Variants in EPCIP observed in about 807,000 individuals in gnomAD.
EPCIP encodes the protein exosomal polycystin-1-interacting protein.
the EPCIP span, chr21:32,797,123 C>T: frequency 2.5e-6 from 1 of 397,590 alleles, no homozygotes; most frequent in Non-Finnish European, 5.1e-6. Context: ...GCCCAAAGGC[C>T]AGAACAAAAA....
the EPCIP span, among the ~76,000 whole-genome samples, chr21:32,809,324 C>CTTTCTTTCTT: frequency 7.5e-6 from 1 of 133,618 alleles, no homozygotes; most frequent in African/African-American, 2.8e-5. Context: ...TTCTTTCTTT[C>CTTTCTTTCTT]TTTCTTTCTT....
At chr21:32,808,781 T>C in the EPCIP span, among the ~76,000 whole-genome samples, 13 of 152,244 alleles carry the variant, frequency 8.5e-5, no homozygotes, top group African/African-American at 3.1e-4. Context: ...CATACTCATG[T>C]AAGATGTTAA....
the EPCIP span, among the ~76,000 whole-genome samples, chr21:32,808,872 A>G: frequency 6.6e-6 from 1 of 152,194 alleles, no homozygotes; most frequent in South Asian, 2.1e-4. Flanking sequence ...TTATTTAAAA[A>G]GAGTGAATCC....
the EPCIP span, chr21:32,794,101 G>C: frequency 5.6e-6 from 9 of 1,614,086 alleles, no homozygotes; most frequent in East Asian, 4.5e-5. Context: ...TGTTGGTGCT[G>C]CACAGGGAAA....
the EPCIP span, among the ~76,000 whole-genome samples, chr21:32,803,915 C>G: frequency 1.3e-5 from 2 of 152,266 alleles, no homozygotes; most frequent in Middle Eastern, 6.8e-3. Context: ...GTGGTTTACA[C>G]AGTTCATTGT....
chr21:32,810,113 C>A, the EPCIP span, among the ~76,000 whole-genome samples: 6 of 152,130 alleles, frequency 3.9e-5, no homozygotes, highest in South Asian at 2.1e-4. Context: ...TGACTTCCCA[C>A]AAGCATCTGA....
chr21:32,801,063 A>G, the EPCIP span, among the ~76,000 whole-genome samples: 1 of 152,158 alleles, frequency 6.6e-6, no homozygotes, highest in African/African-American at 2.4e-5. Context: ...AGTTCTGGCC[A>G]ATGGAATATG....
chr21:32,810,558 G>T, the EPCIP span: 4 of 469,104 alleles, frequency 8.5e-6, no homozygotes, highest in East Asian at 7.0e-5. Context: ...ACCATGCCCG[G>T]CCCTGATCTT....
the EPCIP span, among the ~76,000 whole-genome samples, chr21:32,808,136 G>A: frequency 6.6e-6 from 1 of 152,228 alleles, no homozygotes; most frequent in Non-Finnish European, 1.5e-5. Flanking sequence ...GATTACAACA[G>A]CCCTTGCTGC....
At chr21:32,801,881 AGG>A in the EPCIP span, among the ~76,000 whole-genome samples, 6 of 152,116 alleles carry the variant, frequency 3.9e-5, no homozygotes, top group Non-Finnish European at 7.4e-5. Context: ...AGTGGTGGTA[AGG>A]GAGAAACGGA....
chr21:32,793,961 G>A, the EPCIP span: 1 of 1,614,158 alleles, frequency 6.2e-7, no homozygotes, highest in Admixed American at 1.7e-5. Flanking sequence ...TAACCACATG[G>A]GCTTCTCTCT....
At chr21:32,795,281 G>C in the EPCIP span, among the ~76,000 whole-genome samples, 2 of 152,046 alleles carry the variant, frequency 1.3e-5, no homozygotes, top group Admixed American at 1.3e-4. Flanking sequence ...CCATATATAA[G>C]AACTTCTAAA....
the EPCIP span, among the ~76,000 whole-genome samples, chr21:32,806,638 T>C: frequency 6.6e-6 from 1 of 152,168 alleles, no homozygotes; most frequent in Non-Finnish European, 1.5e-5. Context: ...CTGTTTGAGA[T>C]TAAATTGATT....
the EPCIP span, among the ~76,000 whole-genome samples, chr21:32,809,282 T>TTCTTTCTTTCTTTCTTTCTTTCTTTC: frequency 1.0e-3 from 91 of 87,800 alleles, 3 homozygotes; most frequent in Middle Eastern, 5.3e-3. Flanking sequence ...CCTCCTTCCT[T>TTCTTTCTTTCTTTCTTTCTTTCTTTC]TCTTTCTTTC....
At chr21:32,803,275 G>T in the EPCIP span, among the ~76,000 whole-genome samples, 17 of 152,324 alleles carry the variant, frequency 1.1e-4, 2 homozygotes, top group South Asian at 3.3e-3. Flanking sequence ...TTGTCCAAGG[G>T]TATTTGCACT....
the EPCIP span, chr21:32,796,844 GC>G: frequency 2.1e-5 from 8 of 375,858 alleles, no homozygotes; most frequent in South Asian, 1.1e-4. Flanking sequence ...AATACTGTTG[GC>G]CCACCCTGAC....
the EPCIP span, chr21:32,813,487 C>T: frequency 1.4e-5 from 6 of 429,276 alleles, no homozygotes; most frequent in African/African-American, 8.2e-5. Context: ...GACAATGGTT[C>T]TTCCAACCGT....
chr21:32,793,756 A>G, the EPCIP span: 1 of 1,613,586 alleles, frequency 6.2e-7, no homozygotes. Context: ...GGACACAGTT[A>G]TTATGCTAGT....
the EPCIP span, among the ~76,000 whole-genome samples, chr21:32,806,167 C>A: frequency 6.6e-6 from 1 of 152,174 alleles, no homozygotes; most frequent in Non-Finnish European, 1.5e-5. Flanking sequence ...AAGTGGCCCC[C>A]TGCCCAGGCA....
Sources: gnomAD v4.1 joint callset for allele counts (sites outside exome capture counted in the v4.1 genomes callset) on GRCh38, gnomAD v4.1.1 for gene constraint, MANE v1.5 for transcripts, NCBI Gene and HGNC (gene_info 2026-07-23, HGNC 2026-07-21) for gene names.